Variants in IGSF3 observed in about 807,000 individuals in gnomAD.
The protein encoded by IGSF3 is glu-Trp-Ile EWI motif-containing protein 3.
IGSF3 carries 23 observed loss-of-function variants against 114.4 expected under a neutral mutation model. The observed-to-expected ratio is 0.20, with a 90% CI of 0.14 to 0.28. The LOEUF (loss-of-function observed/expected upper bound fraction) is 0.28. Among genes scored for constraint, IGSF3 ranks in the 10% least tolerant of loss-of-function variants. The pLI is 1.00. For synonymous variants in IGSF3, 571 were observed against 645.2 expected (o/e 0.88, Z 1.74); for missense variants, 1,172 against 1,591.5 (o/e 0.74, Z 4.48).
At chr1:116,645,958 A>G (rs968937174) in intron 2 of IGSF3, among the ~76,000 whole-genome samples, 4 of 152,222 alleles carry the variant, frequency 2.6e-5, no homozygotes, top group Non-Finnish European at 5.9e-5. Context: ...GATGGGAGGT[A>G]GCAGGAGTTG....
intron 2 of IGSF3, among the ~76,000 whole-genome samples, chr1:116,658,136 G>C (rs1160192434): frequency 6.6e-6 from 1 of 151,776 alleles, no homozygotes; most frequent in African/African-American, 2.4e-5. Flanking sequence ...CCGCCTCCCA[G>C]GTTCAAGAGA....
rs950041060 is a variant in IGSF3, at chr1:116,574,522, T to A, written c.*2790A>T. 2 of 152,672 alleles carry A rather than the reference T, an allele frequency of 1.3e-5. No individual in the cohort carries two copies. The highest frequency in any genetic ancestry group is 4.8e-5 in the African/African-American group (2 of 41,458). 9.5% of individuals were successfully genotyped at this position (152,672 alleles called of 1,614,324 possible). A position where few individuals can be genotyped will look rare whatever the true frequency, so the allele number is the denominator to read the frequency against. On this transcript the variant is annotated 3_prime_UTR_variant, in exon 11 of 11. Transcript: ENST00000369486. This position sits in a 1 kb window ranked among gnomAD's most constrained non-coding sequence, Gnocchi z 5.2. ...AGAAACAAATCAACAGCTCTCTACA[T>A]CATGCATGGGTAGTTTTCTTACCCC...
At position 116,579,590 on chromosome 1, in the gene IGSF3, C is replaced by T; in HGVS notation, c.3136G>A (p.Gly1046Ser). 2 of 1,614,114 alleles carry T rather than the reference C, an allele frequency of 1.2e-6. No homozygotes were observed. Among genetic ancestry groups the T allele is most frequent in the Non-Finnish European group, 8.5e-7 (1 of 1,180,030 alleles). ...VGPDAVFGPEGSPWEGRLRFQ... is the reference protein window; with the variant it reads ...VGPDAVFGPESSPWEGRLRFQ... Reference sequence around the variant, plus strand: ...CGAAGCCTGCCCTCCCAAGGACTGCCCTCTGGGCCAAAGACAGCATCTGGG... The same window carrying T: ...CGAAGCCTGCCCTCCCAAGGACTGCTCTCTGGGCCAAAGACAGCATCTGGG... Residue 1046 changes from glycine (G) to serine (S), a missense_variant, in exon 10 of 11, where the codon GGC becomes AGC. By Grantham distance (56) the Gly-to-Ser change is moderately conservative. Transcript: ENST00000369486. This position sits in a 1 kb window ranked among gnomAD's most constrained non-coding sequence, Gnocchi z 6.4.
intron 2 of IGSF3, among the ~76,000 whole-genome samples, chr1:116,645,414 A>G (rs1158910591): frequency 2.0e-5 from 3 of 152,258 alleles, no homozygotes; most frequent in Non-Finnish European, 1.5e-5. Flanking sequence ...GGAATGGTCC[A>G]TATTTGATAG....
Position 116,594,941 on chromosome 1 carries a change from G to C in IGSF3, c.2029+5000C>G, listed in dbSNP as rs371122050. ...CCCGTTCATGCCCTGTGCTGGCTCT[G>C]CCTCCACACCTGTAACGCTTTTCTG... On this transcript the variant is annotated intron_variant, in intron 7 of 10. Coordinates refer to ENST00000369486, the MANE Select transcript of IGSF3 (RefSeq NM_001007237.3). The surrounding 1 kb of genome is among the most constrained non-coding windows in gnomAD (Gnocchi z 5.2). 4.0e-5 allele frequency among the ~76,000 whole-genome samples: 6 copies of C among 151,630 alleles called. 1 individual carries two copies. Among genetic ancestry groups the C allele is most frequent in the African/African-American group, 1.2e-4 (5 of 41,258 alleles).
chr1:116,576,022 T>TA lies in IGSF3; in HGVS notation c.*1289dup, dbSNP rs1334569973. On this transcript the variant is annotated 3_prime_UTR_variant, in exon 11 of 11. Transcript: ENST00000369486. This position sits in a 1 kb window ranked among gnomAD's most constrained non-coding sequence, Gnocchi z 4.6. Reference sequence around the variant, plus strand: ...TGCGTCTGGACTGCCCCCAGGCTGATATTCTTATGGCAGTGAGAGGCAGGG... The same window carrying TA: ...TGCGTCTGGACTGCCCCCAGGCTGATAATTCTTATGGCAGTGAGAGGCAGGG... 4 of 152,240 alleles carry TA rather than the reference T, an allele frequency of 2.6e-5. No individual in the cohort carries two copies. Among genetic ancestry groups the TA allele is most frequent in the Non-Finnish European group, 2.9e-5 (2 of 68,052 alleles). The allele number at this position is 152,240 out of a possible 1,614,324, so 9.4% of individuals were successfully genotyped here.
At chr1:116,623,804 G>A (rs564039611) in intron 2 of IGSF3, among the ~76,000 whole-genome samples, 2 of 151,308 alleles carry the variant, frequency 1.3e-5, no homozygotes, top group South Asian at 2.1e-4. Context: ...TGTCCCTTGA[G>A]GCCAGGCACA....
Position 116,605,945 on chromosome 1 carries a change from G to T in IGSF3, c.1223-1920C>A, listed in dbSNP as rs1263595063. Among the ~76,000 whole-genome samples the T allele has an allele frequency of 4.6e-5, 7 of 152,142 alleles. No homozygotes were observed. The highest frequency in any genetic ancestry group is 2.0e-4 in the Admixed American group (3 of 15,264). On this transcript the variant is annotated intron_variant, in intron 5 of 10. Transcript: ENST00000369486. This position sits in a 1 kb window ranked among gnomAD's most constrained non-coding sequence, Gnocchi z 5.1. ...TTGGTGGTGTCTGTTGCTTGAGCAA[G>T]CCTGGAAACCCACATAGTTAGAATG...
chr1:116,616,068 G>A lies in IGSF3; in HGVS notation c.421+12C>T. 1 of 1,585,318 alleles carries A rather than the reference G, an allele frequency of 6.3e-7. No individual in the cohort carries two copies. The highest frequency in any genetic ancestry group is 8.6e-7 in the Non-Finnish European group (1 of 1,156,566). ...GCCAGACGCTGGCAACGTGAAGACA[G>A]CTTCTCCTTACCCACTAGGTTCATC... On this transcript the variant is annotated intron_variant, in intron 3 of 10. Coordinates refer to ENST00000369486, the MANE Select transcript of IGSF3 (RefSeq NM_001007237.3). This position sits in a 1 kb window ranked among gnomAD's most constrained non-coding sequence, Gnocchi z 6.6.
At chr1:116,666,139 C>A in intron 2 of IGSF3, 145 bp downstream of exon 2, 1 of 774,138 alleles carries the variant, frequency 1.3e-6, no homozygotes, top group Non-Finnish European at 2.3e-6. Context: ...CCTCTTCGTA[C>A]TCTACTCCAA....
chr1:116,619,375 G>A (rs556207004), intron 2 of IGSF3, among the ~76,000 whole-genome samples: 1 of 152,262 alleles, frequency 6.6e-6, no homozygotes, highest in African/African-American at 2.4e-5. Context: ...TGGCCTGAAT[G>A]AGCCAGGACA....
rs201692914 is a variant in IGSF3 at position 116,616,402 on chromosome 1, C to T, written c.99G>A (p.Thr33=). 1.1e-5 allele frequency: 17 copies of T among 1,610,220 alleles called. No homozygotes were observed. The highest frequency in any genetic ancestry group is 6.7e-5 in the East Asian group (3 of 44,894). ...ACCAGATAGTGATGTGGGAGCCCTC[C>T]GTGCGGTACAAGGGTCCTTCCTGAA... ...VTVQEGPLYR[T]EGSHITIWCN... The change falls in exon 3 of 11, where the codon ACG becomes ACA. Residue 33 remains threonine, a synonymous_variant. Coordinates refer to ENST00000369486, the MANE Select transcript of IGSF3 (RefSeq NM_001007237.3). This position sits in a 1 kb window ranked among gnomAD's most constrained non-coding sequence, Gnocchi z 6.6.
intron 4 of IGSF3, among the ~76,000 whole-genome samples, chr1:116,611,005 T>C (rs1284658384): frequency 2.0e-5 from 3 of 152,376 alleles, no homozygotes; most frequent in East Asian, 3.9e-4. Context: ...GCCCCAGTCC[T>C]AGCCCCTGGA....
chr1:116,631,304 C>A (rs1367357374), intron 2 of IGSF3, among the ~76,000 whole-genome samples: 2 of 136,674 alleles, frequency 1.5e-5, no homozygotes, highest in African/African-American at 6.0e-5. Flanking sequence ...GGCGACAGAG[C>A]CAGACGCTGT....
Position 116,665,655 on chromosome 1 carries a change from T to C in IGSF3, c.43+629A>G, listed in dbSNP as rs1649298968. On this transcript the variant is annotated intron_variant, in intron 2 of 10. Coordinates refer to ENST00000369486, the MANE Select transcript of IGSF3 (RefSeq NM_001007237.3). This position sits in a 1 kb window ranked among gnomAD's most constrained non-coding sequence, Gnocchi z 4.0. ...TGATTTGTGGGAGCACAAAAGCCAA[T>C]CCTAAAATCTCCCCTACCAGGCAGC... Among the ~76,000 whole-genome samples, 5 of 152,228 alleles carry C rather than the reference T, an allele frequency of 3.3e-5. No individual in the cohort carries two copies. The highest frequency in any genetic ancestry group is 2.1e-4 in the South Asian group (1 of 4,818).
rs1181495218 is a variant in IGSF3 at position 116,607,048 on chromosome 1, A to T, written c.1222+894T>A. On this transcript the variant is annotated intron_variant, in intron 5 of 10. Transcript: ENST00000369486. This position sits in a 1 kb window ranked among gnomAD's most constrained non-coding sequence, Gnocchi z 6.1. ...TAAATATTAAAACATATAAATAAAA[A>T]GTAAAGGAAATTATTACAAGGCTCA... Among the ~76,000 whole-genome samples, 5 of 152,198 alleles carry T rather than the reference A, an allele frequency of 3.3e-5. No homozygotes were observed. The highest frequency in any genetic ancestry group is 7.4e-5 in the Non-Finnish European group (5 of 68,026).
Position 116,585,407 on chromosome 1 carries a change from G to A in IGSF3, c.2441-355C>T, listed in dbSNP as rs543747287. Among the ~76,000 whole-genome samples, 5 of 152,186 alleles carry A rather than the reference G, an allele frequency of 3.3e-5. No homozygotes were observed. Among genetic ancestry groups the A allele is most frequent in the African/African-American group, 4.8e-5 (2 of 41,444 alleles). ...GCCGGGGCAGGTGGCTGGGAAGGGC[G>A]GGGGAAGGGGATGGTGAGAAACCTC... On this transcript the variant is annotated intron_variant, in intron 8 of 10. Coordinates refer to ENST00000369486, the MANE Select transcript of IGSF3 (RefSeq NM_001007237.3). This position sits in a 1 kb window ranked among gnomAD's most constrained non-coding sequence, Gnocchi z 4.9.
In IGSF3 at chr1:116,666,657, A is replaced by G. The variant is rs1026717544; in HGVS notation, c.-331T>C. 1 of 558,562 alleles carries G rather than the reference A, an allele frequency of 1.8e-6. No individual in the cohort carries two copies. Among genetic ancestry groups the G allele is most frequent in the Non-Finnish European group, 3.1e-6 (1 of 318,266 alleles). 34.6% of individuals were successfully genotyped at this position (558,562 alleles called of 1,614,324 possible). A position where few individuals can be genotyped will look rare whatever the true frequency, so the allele number is the denominator to read the frequency against. On this transcript the variant is annotated 5_prime_UTR_variant, in exon 2 of 11. Transcript: ENST00000369486. ...TTAATCCTCCAGAAGCACGGAAAAA[A>G]GGGTCTGAGAAAATCCTTTCATCCA...
In IGSF3 at chr1:116,647,996, C is replaced by G. The variant is rs1437709133; in HGVS notation, c.43+18288G>C. Among the ~76,000 whole-genome samples the G allele has an allele frequency of 6.6e-6, 1 of 151,980 alleles. No individual in the cohort carries two copies. Among genetic ancestry groups the G allele is most frequent in the Non-Finnish European group, 1.5e-5 (1 of 67,996 alleles). On this transcript the variant is annotated intron_variant, in intron 2 of 10. Transcript: ENST00000369486. The surrounding 1 kb of genome is among the most constrained non-coding windows in gnomAD (Gnocchi z 4.6). ...GCACACGCCTGTAATCCTAGTTACT[C>G]GGGAGGCTGAGGCAGGAGAATCGCT...
Sources: allele counts gnomAD v4.1 joint callset (sites outside exome capture counted in the v4.1 genomes callset), GRCh38; gene constraint gnomAD v4.1.1; non-coding constraint Gnocchi (gnomAD v3.1); transcripts MANE v1.5; gene names NCBI Gene and HGNC (gene_info 2026-07-23, HGNC 2026-07-21).